The following RAD51B variants were observed in gnomAD, a reference collection of about 807,000 sequenced individuals.
RAD51B encodes RAD51 paralog B.
In RAD51B, 38 loss-of-function variants were observed where a neutral mutation model predicts 42.2. That is an observed-to-expected ratio of 0.90 (90% CI 0.70 to 1.18). The LOEUF is 1.18. Ranked by LOEUF, RAD51B falls within the 50% of genes most tolerant of loss-of-function variation. The probability of loss-of-function intolerance (pLI) is 0.00; values close to 1 mark genes in which losing one functional copy is unlikely to be tolerated. For synonymous variants in RAD51B, 154 were observed against 145.2 expected, an observed-to-expected ratio of 1.06 and a Z score of -0.43; for missense variants, 373 against 400.7, an observed-to-expected ratio of 0.93 and a Z score of 0.59.
intron 7 of RAD51B, among the ~76,000 whole-genome samples, chr14:68,055,624 A>G (rs1216557203): frequency 6.6e-6 from 1 of 152,218 alleles, no homozygotes; most frequent in Non-Finnish European, 1.5e-5. Flanking sequence ...GTGATTAAAA[A>G]CAACATTAAT....
intron 8 of RAD51B, chr14:68,338,792 A>G: frequency 1.8e-6 from 1 of 560,936 alleles, no homozygotes; most frequent in East Asian, 4.3e-5. Flanking sequence ...TGTGAGCTAC[A>G]GACTTGAGAC....
At chr14:68,434,257 C>G (rs1479233215) in intron 9 of RAD51B, among the ~76,000 whole-genome samples, 1 of 152,202 alleles carries the variant, frequency 6.6e-6, no homozygotes, top group African/African-American at 2.4e-5. Context: ...AGAACCACTA[C>G]TCTCTTCAAA....
intron 4 of RAD51B, among the ~76,000 whole-genome samples, chr14:67,842,883 G>A (rs2041476847): frequency 6.6e-6 from 1 of 152,034 alleles, no homozygotes; most frequent in African/African-American, 2.4e-5. Flanking sequence ...ATCATGAAGG[G>A]GTGTTGGATT....
chr14:68,542,777 A>G (rs1888035349), intron 10 of RAD51B, among the ~76,000 whole-genome samples: 1 of 152,162 alleles, frequency 6.6e-6, no homozygotes, highest in African/African-American at 2.4e-5. Context: ...CATGCATCCT[A>G]TTTCGAGACC....
intron 7 of RAD51B, among the ~76,000 whole-genome samples, chr14:68,272,711 A>G (rs1187191691): frequency 3.7e-5 from 2 of 53,612 alleles, no homozygotes; most frequent in East Asian, 1.6e-3. Flanking sequence ...TTTGAGATGG[A>G]GTCTCTCTCT....
intron 7 of RAD51B, among the ~76,000 whole-genome samples, chr14:68,007,222 T>G (rs72725153): frequency 6.6e-6 from 1 of 152,064 alleles, no homozygotes; most frequent in Non-Finnish European, 1.5e-5. Context: ...CTTTTATGTA[T>G]GGTCAAATAA....
At chr14:68,187,130 C>G (rs564238271) in intron 7 of RAD51B, among the ~76,000 whole-genome samples, 2 of 152,266 alleles carry the variant, frequency 1.3e-5, no homozygotes, top group African/African-American at 4.8e-5. Flanking sequence ...CGCACATTCT[C>G]ACTTATAAGT....
chr14:68,295,205 C>T (rs1364292446), intron 8 of RAD51B, among the ~76,000 whole-genome samples: 1 of 152,184 alleles, frequency 6.6e-6, no homozygotes, highest in Non-Finnish European at 1.5e-5. Flanking sequence ...GTACTTCTCC[C>T]TTCTTTGGCT....
chr14:68,648,074 C>T (rs1201657281), intron 10 of RAD51B, among the ~76,000 whole-genome samples: 3 of 99,992 alleles, frequency 3.0e-5, no homozygotes, highest in Admixed American at 1.1e-4. Flanking sequence ...TATATATATA[C>T]ACGTATATAT....
At chr14:68,652,084 C>G (rs1481929539) in intron 11 of RAD51B, among the ~76,000 whole-genome samples, 1 of 152,184 alleles carries the variant, frequency 6.6e-6, no homozygotes, top group Admixed American at 6.5e-5. Context: ...AGGGTTGAGG[C>G]CTCAGGCACA....
At chr14:67,965,142 A>G (rs1467182450) in intron 7 of RAD51B, among the ~76,000 whole-genome samples, 2 of 152,014 alleles carry the variant, frequency 1.3e-5, no homozygotes, top group African/African-American at 2.4e-5. Flanking sequence ...ATCCCAAACT[A>G]ATTTTTCCGG....
chr14:67,982,905 A>G (rs981579965), intron 7 of RAD51B, among the ~76,000 whole-genome samples: 3 of 152,040 alleles, frequency 2.0e-5, no homozygotes, highest in African/African-American at 7.3e-5. Context: ...TATCTACAAA[A>G]ATTTAAAAAA....
intron 10 of RAD51B, among the ~76,000 whole-genome samples, chr14:68,548,570 G>A (rs1888356065): frequency 6.6e-6 from 1 of 152,196 alleles, no homozygotes; most frequent in Non-Finnish European, 1.5e-5. Context: ...GCCCCATCAG[G>A]CCCTACTCTT....
chr14:68,096,957 A>G (rs992254399), intron 7 of RAD51B, among the ~76,000 whole-genome samples: 4 of 152,240 alleles, frequency 2.6e-5, no homozygotes, highest in Non-Finnish European at 4.4e-5. Flanking sequence ...ATGCAAATAT[A>G]TAAATAACAT....
intron 7 of RAD51B, among the ~76,000 whole-genome samples, chr14:67,945,315 C>T (rs1332422022): frequency 6.6e-6 from 1 of 152,162 alleles, no homozygotes; most frequent in Non-Finnish European, 1.5e-5. Context: ...GTACAGCCAG[C>T]TTAGTGATAC....
At chr14:68,265,178 T>C (rs6573822) in intron 7 of RAD51B, among the ~76,000 whole-genome samples, 152,248 of 152,352 alleles carry the variant, frequency 1, 76,072 homozygotes, top group Non-Finnish European at 1. Flanking sequence ...ATCAGTAGTT[T>C]AGACAGAATT....
At chr14:68,536,902 T>G (rs1887655026) in intron 10 of RAD51B, among the ~76,000 whole-genome samples, 1 of 147,134 alleles carries the variant, frequency 6.8e-6, no homozygotes, top group East Asian at 2.0e-4. Context: ...GAAACAGAGA[T>G]GCTGTCTCTA....
At chr14:67,984,903 A>C (rs1315303538) in intron 7 of RAD51B, among the ~76,000 whole-genome samples, 2 of 152,164 alleles carry the variant, frequency 1.3e-5, no homozygotes, top group Non-Finnish European at 1.5e-5. Flanking sequence ...CCCAAATAGA[A>C]AGTGTAAAAT....
chr14:67,822,747 A>G (rs1338289959), intron 1 of RAD51B, among the ~76,000 whole-genome samples: 1 of 151,948 alleles, frequency 6.6e-6, no homozygotes, highest in Non-Finnish European at 1.5e-5. Context: ...CTCTATATAT[A>G]TATTTAAAAA....
Sources: allele counts gnomAD v4.1 joint callset (sites outside exome capture counted in the v4.1 genomes callset), GRCh38; gene constraint gnomAD v4.1.1; transcripts MANE v1.5; gene names NCBI Gene and HGNC (gene_info 2026-07-23, HGNC 2026-07-21).